CARMIL1: variants seen among roughly 807,000 people sequenced by gnomAD.
The protein encoded by CARMIL1 is capping protein regulator and myosin 1 linker 1.
A neutral mutation model predicts 177.1 loss-of-function variants in CARMIL1; 90 were observed. That is an observed-to-expected ratio of 0.51 (90% CI 0.43 to 0.61). The LOEUF (loss-of-function observed/expected upper bound fraction) is 0.61, where lower values mean the gene tolerates loss of function less well. Ranked by LOEUF, CARMIL1 falls within the 20% of genes least tolerant of loss-of-function variation. CARMIL1 has a pLI of 0.00. For synonymous variants in CARMIL1, 577 were observed against 606.2 expected (o/e 0.95, Z 0.71); for missense variants, 1,380 against 1,667.0 (o/e 0.83, Z 3.00).
chr6:25,346,889 A>G (rs1462352488), intron 2 of CARMIL1, among the ~76,000 whole-genome samples: 1 of 152,220 alleles, frequency 6.6e-6, no homozygotes, highest in Non-Finnish European at 1.5e-5. Flanking sequence ...GAGAATACAA[A>G]TAGAGAAGAG....
At chr6:25,390,579 C>T (rs1268278276) in intron 2 of CARMIL1, among the ~76,000 whole-genome samples, 2 of 151,600 alleles carry the variant, frequency 1.3e-5, no homozygotes, top group African/African-American at 4.9e-5. Flanking sequence ...GCCTCAGCCT[C>T]CCAAAGTGGT....
intron 32 of CARMIL1, among the ~76,000 whole-genome samples, chr6:25,596,757 A>G (rs908769847): frequency 6.6e-6 from 1 of 151,974 alleles, no homozygotes; most frequent in African/African-American, 2.4e-5. Flanking sequence ...ATTTCTTTTG[A>G]GCATGTTGGT....
chr6:25,323,579 A>G (rs1033628858), intron 2 of CARMIL1, among the ~76,000 whole-genome samples: 14 of 152,204 alleles, frequency 9.2e-5, no homozygotes, highest in African/African-American at 3.1e-4. Context: ...ACTGCACTCC[A>G]GCATAAAAAG....
chr6:25,475,460 GT>G (rs1252404070), intron 11 of CARMIL1, among the ~76,000 whole-genome samples: 1 of 151,900 alleles, frequency 6.6e-6, no homozygotes, highest in Admixed American at 6.6e-5. Context: ...TCCACTCCTA[GT>G]TTTATCACCA....
intron 2 of CARMIL1, among the ~76,000 whole-genome samples, chr6:25,312,925 A>AC (rs1440405462): frequency 8.8e-5 from 13 of 148,068 alleles, no homozygotes; most frequent in African/African-American, 2.5e-4. Flanking sequence ...AAAAAAAAAA[A>AC]AAAAAACCAG....
chr6:25,435,384 G>C lies in CARMIL1; in HGVS notation c.250-99G>C. The C allele has an allele frequency of 3.7e-6, 5 of 1,366,768 alleles. No homozygotes were observed. In the South Asian group the frequency reaches 6.1e-5, roughly 17 times the overall value. The allele number at this position is 1,366,768 out of a possible 1,614,324, so 84.7% of individuals were successfully genotyped here. On this transcript the variant is annotated intron_variant, in intron 4 of 36. Coordinates refer to ENST00000329474, the MANE Select transcript of CARMIL1 (RefSeq NM_017640.6). ...GAAAAAAAAAGCTAATATTGTATTA[G>C]TATATATCTGTGTGACTATGTAGTT...
intron 2 of CARMIL1, among the ~76,000 whole-genome samples, chr6:25,335,281 C>T (rs541233650): frequency 2.6e-5 from 4 of 152,182 alleles, no homozygotes; most frequent in South Asian, 4.1e-4. Context: ...GTGAAAATCC[C>T]GAAAAGCATG....
intron 2 of CARMIL1, among the ~76,000 whole-genome samples, chr6:25,306,511 AT>A (rs1316192268): frequency 6.6e-6 from 1 of 152,046 alleles, no homozygotes; most frequent in Non-Finnish European, 1.5e-5. Flanking sequence ...CCCCACTTTT[AT>A]TGAAAAGTTG....
At position 25,420,105 on chromosome 6, in the gene CARMIL1, G is replaced by T. The variant is rs532010102; in HGVS notation, c.139-9G>T. On this transcript the variant is annotated splice_polypyrimidine_tract_variant and intron_variant, in intron 2 of 36. Transcript: ENST00000329474. Reference sequence around the variant, plus strand: ...TGCTTATACTGATGCTGCTGCTTCTGTCTTACAGGTCCTTACATCATGCCG... The same window carrying T: ...TGCTTATACTGATGCTGCTGCTTCTTTCTTACAGGTCCTTACATCATGCCG... 5 of 1,611,678 alleles carry T rather than the reference G, an allele frequency of 3.1e-6. No homozygotes were observed. In the Admixed American group the frequency reaches 6.7e-5, roughly 21 times the overall value.
At chr6:25,581,033 A>G in intron 30 of CARMIL1, 43 bp downstream of exon 30, 2 of 1,552,020 alleles carry the variant, frequency 1.3e-6, no homozygotes, top group Non-Finnish European at 1.8e-6. Flanking sequence ...GGAACTGTGA[A>G]GCACCCTCAG....
intron 8 of CARMIL1, chr6:25,465,578 A>G (rs1582048179): frequency 3.1e-6 from 1 of 317,554 alleles, no homozygotes; most frequent in Non-Finnish European, 5.8e-6. Context: ...TGTTATTGGT[A>G]TGGACTTAGA....
At chr6:25,411,331 C>A (rs745829556) in intron 2 of CARMIL1, among the ~76,000 whole-genome samples, 139 of 152,174 alleles carry the variant, frequency 9.1e-4, no homozygotes, top group African/African-American at 3.1e-3. Context: ...CATCTTCACC[C>A]TTGGCCTCAT....
intron 29 of CARMIL1, among the ~76,000 whole-genome samples, chr6:25,559,945 A>T (rs2151189409): frequency 6.6e-6 from 1 of 152,296 alleles, no homozygotes; most frequent in South Asian, 2.1e-4. Context: ...TAATTGCACT[A>T]GGGGAGGTTT....
intron 2 of CARMIL1, among the ~76,000 whole-genome samples, chr6:25,402,507 A>AT (rs1357367562): frequency 6.6e-6 from 1 of 152,182 alleles, no homozygotes; most frequent in Non-Finnish European, 1.5e-5. Flanking sequence ...GTGCTTTCTG[A>AT]TTTTGCCAAT....
chr6:25,342,147 GA>G (rs1406308278), intron 2 of CARMIL1, among the ~76,000 whole-genome samples: 6 of 152,194 alleles, frequency 3.9e-5, no homozygotes, highest in Non-Finnish European at 7.3e-5. Context: ...GGTTCAGATG[GA>G]ATGGGAACAC....
intron 2 of CARMIL1, among the ~76,000 whole-genome samples, chr6:25,415,405 T>G (rs1415499750): frequency 2.0e-5 from 3 of 152,020 alleles, no homozygotes; most frequent in Non-Finnish European, 4.4e-5. Context: ...GTGACTGTTC[T>G]GGAAAGGGCA....
chr6:25,466,076 A>G (rs1800571891), intron 9 of CARMIL1, 128 bp downstream of exon 9: 1 of 647,800 alleles, frequency 1.5e-6, no homozygotes, highest in Non-Finnish European at 2.7e-6. Context: ...TTGAGGAGGT[A>G]TTTTCCTTTA....
intron 8 of CARMIL1, among the ~76,000 whole-genome samples, chr6:25,450,970 TCTTCTCCTCTCCCCCTCC>T (rs1272274002): frequency 2.2e-4 from 1 of 4,546 alleles, no homozygotes; most frequent in Non-Finnish European, 4.7e-4. Flanking sequence ...TCCTCTCTTC[TCTTCTCCTCTCCCCCTCC>T]CCTCTCCCCT....
At chr6:25,446,053 C>T (rs1320759731) in intron 5 of CARMIL1, among the ~76,000 whole-genome samples, 2 of 152,148 alleles carry the variant, frequency 1.3e-5, no homozygotes, top group African/African-American at 4.8e-5. Context: ...AATAGATCTG[C>T]TATCACCCAG....
Sources: allele counts gnomAD v4.1 joint callset (sites outside exome capture counted in the v4.1 genomes callset), GRCh38; gene constraint gnomAD v4.1.1; transcripts MANE v1.5; gene names NCBI Gene and HGNC (gene_info 2026-07-23, HGNC 2026-07-21).